The following APBA1 variants were observed in gnomAD, a reference collection of about 807,000 sequenced individuals.
The protein encoded by APBA1 is amyloid beta precursor protein binding family A member 1, also known as amyloid-beta A4 precursor protein-binding family A member 1.
In APBA1, 55 loss-of-function variants were observed where a neutral mutation model predicts 86.6. The ratio of observed to expected loss-of-function variants is 0.64; its 90% CI spans 0.51 to 0.80. APBA1 has a LOEUF of 0.80. Among genes scored for constraint, APBA1 ranks in the 30% least tolerant of loss-of-function variants. The probability of loss-of-function intolerance (pLI) is 0.00; values close to 1 mark genes in which losing one functional copy is unlikely to be tolerated. For missense variants in APBA1, 1,090 were observed against 1,183.0 expected (o/e 0.92, Z 1.15); for synonymous variants, 511 against 493.9 (o/e 1.03, Z -0.46).
Position 69,516,981 on chromosome 9 carries a change from C to A in APBA1, c.230G>T (p.Arg77Leu). 2 of 1,586,342 alleles carry A rather than the reference C, an allele frequency of 1.3e-6. No homozygotes were observed. Among genetic ancestry groups the A allele is most frequent in the East Asian group, 2.3e-5 (1 of 44,378 alleles). ...EEEERGECLA[R>L]SASTESGFHN... ...GAAGCCGCTCTCCGTGCTGGCTGAG[C>A]GCGCCAGGCATTCCCCGCGCTCCTC... is the stretch of plus-strand genomic sequence containing the variant. Residue 77 changes from arginine (R) to leucine (L), a missense_variant, in exon 2 of 13, where the codon CGC becomes CTC. By Grantham distance (102) the Arg-to-Leu change is moderately radical. This residue lies in a region of APBA1 where 678 missense variants were observed against 647.1 expected (regional missense o/e 1.05). Transcript: ENST00000265381. The surrounding 1 kb of genome is among the most constrained non-coding windows in gnomAD (Gnocchi z 7.3).
At chr9:69,636,961 A>T (rs1253385650) in intron 1 of APBA1, among the ~76,000 whole-genome samples, 1 of 151,446 alleles carries the variant, frequency 6.6e-6, no homozygotes, top group Non-Finnish European at 1.5e-5. Context: ...GAAAGAAAGA[A>T]AGAAAGAAAG....
At chr9:69,489,187 A>G (rs1327959911) in intron 2 of APBA1, among the ~76,000 whole-genome samples, 1 of 152,148 alleles carries the variant, frequency 6.6e-6, no homozygotes, top group Non-Finnish European at 1.5e-5. Context: ...CCTAAGCCAA[A>G]AGGACAAAGC....
chr9:69,440,260 T>C (rs1408812692), intron 11 of APBA1, among the ~76,000 whole-genome samples: 1 of 152,208 alleles, frequency 6.6e-6, no homozygotes, highest in Non-Finnish European at 1.5e-5. Context: ...AGTCTGCCCA[T>C]TCTCAGATCT....
At chr9:69,445,567 T>TGGGGAAGCA (rs1019553681) in intron 10 of APBA1, among the ~76,000 whole-genome samples, 3 of 152,096 alleles carry the variant, frequency 2.0e-5, no homozygotes, top group Non-Finnish European at 4.4e-5. Flanking sequence ...ATGATGCTCC[T>TGGGGAAGCA]GGGGAAGCAA....
intron 1 of APBA1, among the ~76,000 whole-genome samples, chr9:69,576,830 C>T (rs997461927): frequency 6.6e-6 from 1 of 152,096 alleles, no homozygotes. Flanking sequence ...ACGTTGTGCA[C>T]ATGTACCCTA....
At chr9:69,528,213 C>T (rs886193452) in intron 1 of APBA1, among the ~76,000 whole-genome samples, 5 of 152,032 alleles carry the variant, frequency 3.3e-5, no homozygotes, top group South Asian at 4.2e-4. Context: ...TTTTATCCCA[C>T]CTTGCAGTCT....
intron 1 of APBA1, among the ~76,000 whole-genome samples, chr9:69,669,307 T>G (rs949812963): frequency 5.9e-5 from 9 of 152,076 alleles, no homozygotes; most frequent in Admixed American, 5.9e-4. Flanking sequence ...CAGAGGTCAA[T>G]TTTCAAATAT....
intron 9 of APBA1, among the ~76,000 whole-genome samples, chr9:69,451,725 A>G (rs1168454503): frequency 6.6e-6 from 1 of 152,118 alleles, no homozygotes; most frequent in African/African-American, 2.4e-5. Flanking sequence ...CTTGTCTGAA[A>G]CTTGAGATCT....
chr9:69,447,391 G>A (rs576676419), intron 10 of APBA1, among the ~76,000 whole-genome samples: 9 of 152,138 alleles, frequency 5.9e-5, no homozygotes, highest in South Asian at 4.1e-4. Context: ...CTCCTATGCC[G>A]CTCAGGCAGT....
intron 1 of APBA1, among the ~76,000 whole-genome samples, chr9:69,545,764 A>C (rs1836688188): frequency 6.6e-6 from 1 of 152,222 alleles, no homozygotes; most frequent in African/African-American, 2.4e-5. Context: ...ATGATTTTAT[A>C]ATGTCCTGAA....
intron 1 of APBA1, among the ~76,000 whole-genome samples, chr9:69,539,346 C>T (rs1836561560): frequency 1.3e-5 from 2 of 152,226 alleles, no homozygotes; most frequent in African/African-American, 2.4e-5. Context: ...CCTGTTCTTT[C>T]CACTGTCTGC....
intron 11 of APBA1, among the ~76,000 whole-genome samples, chr9:69,439,927 G>T (rs1299851329): frequency 6.6e-6 from 1 of 152,102 alleles, no homozygotes; most frequent in Non-Finnish European, 1.5e-5. Flanking sequence ...TCTACCTTTG[G>T]TCTTTGATGA....
intron 1 of APBA1, among the ~76,000 whole-genome samples, chr9:69,558,354 A>ACCC (rs1428791257): frequency 2.0e-5 from 3 of 151,914 alleles, no homozygotes; most frequent in Non-Finnish European, 4.4e-5. Flanking sequence ...ATTTTATTGC[A>ACCC]CCCATTATTC....
intron 10 of APBA1, among the ~76,000 whole-genome samples, chr9:69,447,243 C>T (rs1223295922): frequency 2.6e-5 from 4 of 152,108 alleles, no homozygotes; most frequent in Non-Finnish European, 5.9e-5. Flanking sequence ...TTGGAGGGAA[C>T]ACAAATATTA....
Position 69,584,891 on chromosome 9 carries a change from T to C in APBA1, c.-69-67612A>G, listed in dbSNP as rs1314305664. On this transcript the variant is annotated intron_variant, in intron 1 of 12. Coordinates refer to ENST00000265381, the MANE Select transcript of APBA1 (RefSeq NM_001163.4). Reference sequence around the variant, plus strand: ...TGAATTAGTCATAATTTGCCTACCATATCCAGAGAAAACTTCTGATTACTT... The same window carrying C: ...TGAATTAGTCATAATTTGCCTACCACATCCAGAGAAAACTTCTGATTACTT... Among the ~76,000 whole-genome samples, 3 of 152,238 alleles carry C rather than the reference T, an allele frequency of 2.0e-5. No individual in the cohort carries two copies. The East Asian group carries it at 5.8e-4, about 29-fold the overall frequency.
Position 69,645,780 on chromosome 9 carries a change from C to T in APBA1, c.-70+26373G>A, listed in dbSNP as rs186766359. ...TCCTGGCAGACAGGTCACGTGGCAT[C>T]GAGAGCTCCCTAGAGGTGGCACTTT... On this transcript the variant is annotated intron_variant, in intron 1 of 12. Transcript: ENST00000265381. 2.7e-3 allele frequency among the ~76,000 whole-genome samples: 404 copies of T among 152,290 alleles called. 5 individuals carry two copies. Among genetic ancestry groups the T allele is most frequent in the Admixed American group, 0.022 (342 of 15,296 alleles).
intron 2 of APBA1, among the ~76,000 whole-genome samples, chr9:69,485,740 A>T (rs750029749): frequency 6.6e-6 from 1 of 152,064 alleles, no homozygotes; most frequent in African/African-American, 2.4e-5. Flanking sequence ...CTAACAACTC[A>T]TCTTCTGCAG....
At chr9:69,645,577 A>T (rs1344434557) in intron 1 of APBA1, among the ~76,000 whole-genome samples, 2 of 152,170 alleles carry the variant, frequency 1.3e-5, no homozygotes, top group Non-Finnish European at 2.9e-5. Flanking sequence ...AGGCTGAGGG[A>T]GAAGTGAGCT....
At chr9:69,545,372 C>T (rs1836681883) in intron 1 of APBA1, among the ~76,000 whole-genome samples, 1 of 152,208 alleles carries the variant, frequency 6.6e-6, no homozygotes, top group Admixed American at 6.5e-5. Context: ...CCAGGCTGCA[C>T]CTCTGGTTCT....
Sources: gnomAD v4.1 joint callset for allele counts (sites outside exome capture counted in the v4.1 genomes callset) on GRCh38, gnomAD v4.1.1 for gene constraint, gnomAD v4.1.1 regional missense constraint, Gnocchi (gnomAD v3.1) non-coding constraint, MANE v1.5 for transcripts, NCBI Gene and HGNC (gene_info 2026-07-23, HGNC 2026-07-21) for gene names.